The following XPO4 variants were observed in gnomAD, a reference collection of about 807,000 sequenced individuals.
XPO4 encodes the protein exportin-4.
XPO4 carries 39 observed loss-of-function variants against 143.0 expected under a neutral mutation model. The ratio of observed to expected loss-of-function variants is 0.27; its 90% CI spans 0.21 to 0.36. The LOEUF is 0.36. XPO4 is among the 10% of genes least tolerant of loss of function. The pLI, the probability that XPO4 is intolerant of heterozygous loss-of-function variation, is 1.00. For synonymous variants in XPO4, 439 were observed against 474.0 expected (o/e 0.93, Z 0.96); for missense variants, 907 against 1,348.0 (o/e 0.67, Z 5.12).
rs181400524 is a variant in XPO4, at chr13:20,784,043, A to C, written c.3259-124T>G. 153 of 874,204 alleles carry C rather than the reference A, an allele frequency of 1.8e-4. No individual in the cohort carries two copies. The African/African-American group carries it at 2.4e-3, about 14-fold the overall frequency. The allele number at this position is 874,204 out of a possible 1,614,324, so 54.2% of individuals were successfully genotyped here. The stretch of plus-strand genomic sequence containing the variant: ...ACATTTTTAAGAGTTAACATTTAGA[A>C]TAATTCAGCATTTAAGTACTACTGT... On this transcript the variant is annotated intron_variant, in intron 22 of 22. Coordinates refer to ENST00000255305, the MANE Select transcript of XPO4 (RefSeq NM_022459.5).
chr13:20,848,163 G>A (rs1010242282), intron 4 of XPO4: 1 of 871,602 alleles, frequency 1.1e-6, no homozygotes, highest in African/African-American at 1.8e-5. Flanking sequence ...CCACTAACAG[G>A]TAGTTCTAAA....
intron 1 of XPO4, among the ~76,000 whole-genome samples, chr13:20,877,577 T>C (rs2060364945): frequency 6.6e-6 from 1 of 152,094 alleles, no homozygotes; most frequent in Non-Finnish European, 1.5e-5. Flanking sequence ...AACAGAAGAA[T>C]TGTAAGCCCC....
chr13:20,883,151 A>C (rs2060429500), intron 1 of XPO4, among the ~76,000 whole-genome samples: 1 of 152,148 alleles, frequency 6.6e-6, no homozygotes. Context: ...GTTCCCTTAC[A>C]TCTTACCCCT....
rs1239016575 is a variant in XPO4, at chr13:20,866,417, GA to G, written c.175+2178del. 3 of 971,394 alleles carry G rather than the reference GA, an allele frequency of 3.1e-6. No individual in the cohort carries two copies. The African/African-American group carries it at 5.3e-5, about 17-fold the overall frequency. The allele number at this position is 971,394 out of a possible 1,614,324, so 60.2% of individuals were successfully genotyped here. ...ATCAAAGAAAGTCTCCCCTTTAGTA[GA>G]ATATATTACCCAGACCTTCTATAAA... On this transcript the variant is annotated intron_variant, in intron 2 of 22. Transcript: ENST00000255305.
rs1046977683 is a variant in XPO4, at chr13:20,778,768, G to A, written c.*4954C>T. The A allele has an allele frequency of 6.6e-6, 1 of 152,044 alleles. No homozygotes were observed. Among genetic ancestry groups the A allele is most frequent in the Non-Finnish European group, 1.5e-5 (1 of 68,004 alleles). The allele number at this position is 152,044 out of a possible 1,614,324, so 9.4% of individuals were successfully genotyped here. On this transcript the variant is annotated 3_prime_UTR_variant, in exon 23 of 23. Coordinates refer to ENST00000255305, the MANE Select transcript of XPO4 (RefSeq NM_022459.5). ...ATTTTAGGACCGTGTAATGTCCCCA[G>A]TGTCAATCTTCCTATAATGGTAAAC...
At chr13:20,839,233 C>T (rs924272937) in intron 6 of XPO4, among the ~76,000 whole-genome samples, 1 of 152,168 alleles carries the variant, frequency 6.6e-6, no homozygotes, top group African/African-American at 2.4e-5. Flanking sequence ...CACGGCACTC[C>T]ACCTTGGGAA....
intron 9 of XPO4, among the ~76,000 whole-genome samples, chr13:20,814,085 C>G (rs539846092): frequency 1.3e-5 from 2 of 150,756 alleles, no homozygotes; most frequent in Non-Finnish European, 2.9e-5. Context: ...ATGTGCTTTA[C>G]AGCCATCATT....
At chr13:20,849,411 C>T in intron 4 of XPO4, 1 of 984,534 alleles carries the variant, frequency 1.0e-6, no homozygotes. Context: ...TTAACGTATG[C>T]CTACTGCTTT....
At chr13:20,820,867 A>G (rs955335860) in intron 9 of XPO4, among the ~76,000 whole-genome samples, 1 of 152,356 alleles carries the variant, frequency 6.6e-6, no homozygotes, top group East Asian at 1.9e-4. Flanking sequence ...ACAATTTAAC[A>G]TGAAATTCTA....
At chr13:20,791,614 C>T (rs1478201335) in intron 18 of XPO4, among the ~76,000 whole-genome samples, 2 of 152,168 alleles carry the variant, frequency 1.3e-5, no homozygotes, top group East Asian at 3.9e-4. Flanking sequence ...TAGTTCGCAG[C>T]TTGCCAGGAG....
At chr13:20,807,355 C>T in intron 13 of XPO4, 102 bp downstream of exon 13, 1 of 1,170,342 alleles carries the variant, frequency 8.5e-7, no homozygotes, top group Non-Finnish European at 1.2e-6. Flanking sequence ...TTTCATGTAT[C>T]AGATTTACAA....
At chr13:20,840,517 T>C (rs1292912882) in intron 6 of XPO4, among the ~76,000 whole-genome samples, 1 of 152,138 alleles carries the variant, frequency 6.6e-6, no homozygotes, top group Non-Finnish European at 1.5e-5. Context: ...AGATAAACCA[T>C]CTTTTAAAAG....
chr13:20,801,514 T>C (rs985906900), intron 13 of XPO4, among the ~76,000 whole-genome samples: 3 of 152,240 alleles, frequency 2.0e-5, no homozygotes, highest in African/African-American at 7.2e-5. Flanking sequence ...TGATTCTTCA[T>C]GGTATTTTTA....
chr13:20,895,418 G>A (rs1196070835), intron 1 of XPO4, among the ~76,000 whole-genome samples: 1 of 152,010 alleles, frequency 6.6e-6, no homozygotes, highest in Non-Finnish European at 1.5e-5. Flanking sequence ...GATCACCTGT[G>A]ATCAGAAGTT....
intron 16 of XPO4, among the ~76,000 whole-genome samples, 170 bp from the exon 17 acceptor site, chr13:20,797,227 A>G (rs1246109238): frequency 6.6e-6 from 1 of 152,132 alleles, no homozygotes; most frequent in African/African-American, 2.4e-5. Flanking sequence ...GGGTCATCCT[A>G]ACTTTCCGCT....
chr13:20,875,700 T>G (rs1305359597), intron 1 of XPO4, among the ~76,000 whole-genome samples: 1 of 152,158 alleles, frequency 6.6e-6, no homozygotes, highest in African/African-American at 2.4e-5. Flanking sequence ...CAAAAACCCC[T>G]TTACACAATC....
chr13:20,787,103 T>C, intron 21 of XPO4, 46 bp from the exon 22 acceptor site: 1 of 1,448,492 alleles, frequency 6.9e-7, no homozygotes, highest in Non-Finnish European at 9.5e-7. Flanking sequence ...GATGATCATA[T>C]ATCCTCCAGT....
intron 11 of XPO4, 43 bp downstream of exon 11, chr13:20,809,040 T>C: frequency 2.5e-6 from 4 of 1,594,604 alleles, no homozygotes; most frequent in Non-Finnish European, 3.4e-6. Flanking sequence ...GAATTGTGAA[T>C]AGAGAATATT....
intron 4 of XPO4, among the ~76,000 whole-genome samples, chr13:20,844,943 A>T (rs1445347069): frequency 6.6e-6 from 1 of 152,188 alleles, no homozygotes; most frequent in East Asian, 1.9e-4. Flanking sequence ...AGGCCGAGGC[A>T]GGCAATCACC....
Sources: gnomAD v4.1 joint callset for allele counts (sites outside exome capture counted in the v4.1 genomes callset) on GRCh38, gnomAD v4.1.1 for gene constraint, MANE v1.5 for transcripts, NCBI Gene and HGNC (gene_info 2026-07-23, HGNC 2026-07-21) for gene names.